Variants in COBL observed in about 807,000 individuals in gnomAD.
The protein encoded by COBL is protein cordon-bleu.
Under a neutral mutation model 98.8 loss-of-function variants are expected in COBL, and 51 were observed. The ratio of observed to expected loss-of-function variants is 0.52; its 90% CI spans 0.41 to 0.65. COBL has a LOEUF of 0.65. Among genes scored for constraint, COBL ranks in the 30% least tolerant of loss-of-function variants. COBL has a pLI of 0.00. For missense variants in COBL, 1,617 were observed against 1,617.5 expected (o/e 1.00, Z 0.01); for synonymous variants, 634 against 651.7 (o/e 0.97, Z 0.41).
chr7:51,155,137 A>G (rs1028039216), intron 5 of COBL, among the ~76,000 whole-genome samples: 4 of 152,344 alleles, frequency 2.6e-5, no homozygotes, highest in Non-Finnish European at 5.9e-5. Flanking sequence ...TGTTGAGGTC[A>G]GAAGATAACC....
intron 12 of COBL, among the ~76,000 whole-genome samples, chr7:51,018,905 A>AAAAAT (rs1554345519): frequency 1.7e-4 from 6 of 34,432 alleles, no homozygotes; most frequent in African/African-American, 5.0e-4. Context: ...AAAAAAAAAA[A>AAAAAT]ATATATATAT....
chr7:51,290,542 A>T (rs1243936980), intron 1 of COBL, among the ~76,000 whole-genome samples: 3 of 152,182 alleles, frequency 2.0e-5, no homozygotes, highest in African/African-American at 7.2e-5. Flanking sequence ...CACAGATATC[A>T]GAACAAAGGG....
At chr7:51,141,116 T>C (rs1203244005) in intron 5 of COBL, among the ~76,000 whole-genome samples, 1 of 151,468 alleles carries the variant, frequency 6.6e-6, no homozygotes, top group African/African-American at 2.4e-5. Context: ...TCTTTCTGTT[T>C]AAATCGATTT....
At chr7:51,251,169 G>A (rs1402103590) in intron 1 of COBL, among the ~76,000 whole-genome samples, 1 of 152,094 alleles carries the variant, frequency 6.6e-6, no homozygotes, top group African/African-American at 2.4e-5. Flanking sequence ...GACCGGGGTC[G>A]AACCTGCAAA....
At chr7:51,299,350 T>A (rs1252209557) in intron 1 of COBL, among the ~76,000 whole-genome samples, 1 of 152,212 alleles carries the variant, frequency 6.6e-6, no homozygotes, top group Non-Finnish European at 1.5e-5. Flanking sequence ...TTTGCTTCGA[T>A]TTGCTAGAAC....
intron 1 of COBL, among the ~76,000 whole-genome samples, chr7:51,266,520 G>A (rs1432054433): frequency 6.6e-6 from 1 of 152,206 alleles, no homozygotes. Context: ...AGAGGTTGCG[G>A]TGAGCCAAGA....
chr7:51,130,673 C>G (rs1167849832), intron 6 of COBL, among the ~76,000 whole-genome samples: 1 of 152,196 alleles, frequency 6.6e-6, no homozygotes, highest in Non-Finnish European at 1.5e-5. Flanking sequence ...CCCTGGGTGT[C>G]CTCTCTGCGG....
intron 5 of COBL, among the ~76,000 whole-genome samples, chr7:51,170,530 T>TAA (rs1554413449): frequency 1.5e-3 from 200 of 135,536 alleles, no homozygotes; most frequent in African/African-American, 4.0e-3. Context: ...TATATATATA[T>TAA]AAATATATAT....
intron 8 of COBL, among the ~76,000 whole-genome samples, chr7:51,037,756 A>G (rs1214505835): frequency 2.0e-5 from 3 of 152,210 alleles, no homozygotes; most frequent in African/African-American, 2.4e-5. Flanking sequence ...TTCAACTGAG[A>G]TTTATTCTGC....
chr7:51,286,032 C>T (rs1322523601), intron 1 of COBL, among the ~76,000 whole-genome samples: 6 of 152,034 alleles, frequency 3.9e-5, no homozygotes, highest in South Asian at 2.1e-4. Context: ...ATTGGATACC[C>T]TATGCCAAAG....
chr7:51,082,922 TG>T (rs1225877443), intron 7 of COBL: 1 of 797,338 alleles, frequency 1.3e-6, no homozygotes, highest in African/African-American at 1.7e-5. Flanking sequence ...CATTCAGCAT[TG>T]GGAAACAAGA....
chr7:51,311,301 C>T (rs1803015228), intron 1 of COBL, among the ~76,000 whole-genome samples: 1 of 152,196 alleles, frequency 6.6e-6, no homozygotes, highest in Admixed American at 6.5e-5. Flanking sequence ...CCCAAGAGGC[C>T]ACAGGGTTTC....
intron 6 of COBL, among the ~76,000 whole-genome samples, chr7:51,108,793 G>A (rs768558742): frequency 2.0e-5 from 3 of 152,120 alleles, no homozygotes; most frequent in Non-Finnish European, 4.4e-5. Context: ...CTGGGGCGCT[G>A]GAGCCAGCCT....
intron 2 of COBL, among the ~76,000 whole-genome samples, chr7:51,210,765 G>A (rs1003522171): frequency 1.4e-4 from 21 of 152,156 alleles, no homozygotes; most frequent in Admixed American, 1.2e-3. Context: ...TCTGGAGCAC[G>A]TCTTTGCACA....
chr7:51,058,870 C>G (rs1029072722), intron 7 of COBL, among the ~76,000 whole-genome samples: 1 of 152,210 alleles, frequency 6.6e-6, no homozygotes, highest in Non-Finnish European at 1.5e-5. Flanking sequence ...CAACGACTTT[C>G]GTTCAGCGTC....
chr7:51,266,602 A>G lies in COBL; in HGVS notation c.42-46658T>C, dbSNP rs527477051. 5.9e-5 allele frequency among the ~76,000 whole-genome samples: 9 copies of G among 152,288 alleles called. No homozygotes were observed. In the East Asian group the frequency reaches 1.5e-3, roughly 26 times the overall value. ...TCAAAACAAAACAAAAAAAAGATCA[A>G]CTGATTCTTATTTTAAATGACAAAG... On this transcript the variant is annotated intron_variant, in intron 1 of 12. Transcript: ENST00000265136.
At chr7:51,064,848 C>A in intron 7 of COBL, 1 of 347,546 alleles carries the variant, frequency 2.9e-6, no homozygotes, top group Non-Finnish European at 5.2e-6. Context: ...GCAAAACAAG[C>A]CTAAGTGAAA....
rs573697268 is a variant in COBL at position 51,088,584 on chromosome 7, G to A, written c.958-3280C>T. On this transcript the variant is annotated intron_variant, in intron 6 of 12. Coordinates refer to ENST00000265136, the MANE Select transcript of COBL (RefSeq NM_015198.5). ...TCCATTTTCTTCAGCCATATGCATC[G>A]CACTTTCCTCCAGCATCCTTTCTGC... 2.7e-4 allele frequency among the ~76,000 whole-genome samples: 41 copies of A among 152,052 alleles called. 1 individual carries two copies. In the South Asian group the frequency reaches 7.1e-3, roughly 26 times the overall value.
rs1308429580 is a variant in COBL at position 51,305,840 on chromosome 7, C to T, written c.41+10753G>A. Among the ~76,000 whole-genome samples the T allele has an allele frequency of 5.9e-5, 9 of 152,240 alleles. No homozygotes were observed. The East Asian group carries it at 1.7e-3, about 29-fold the overall frequency. ...CTTGAGGTCAGGAGTTCGAGACCAG[C>T]CCGGCCAACATGGTGAAGACCCGTC... On this transcript the variant is annotated intron_variant, in intron 1 of 12. Transcript: ENST00000265136.
Sources: gnomAD v4.1 joint callset for allele counts (sites outside exome capture counted in the v4.1 genomes callset) on GRCh38, gnomAD v4.1.1 for gene constraint, MANE v1.5 for transcripts, NCBI Gene and HGNC (gene_info 2026-07-23, HGNC 2026-07-21) for gene names.